GPC5: variants seen among roughly 807,000 people sequenced by gnomAD.
The protein encoded by GPC5 is glypican 5, also known as glypican-5.
In GPC5, 47 loss-of-function variants were observed where a neutral mutation model predicts 53.9. That is an observed-to-expected ratio of 0.87 (90% CI 0.69 to 1.11). GPC5 has a LOEUF of 1.11. GPC5 is among the 50% of genes most tolerant of loss of function. The probability of loss-of-function intolerance (pLI) is 0.00; values close to 1 mark genes in which losing one functional copy is unlikely to be tolerated. For synonymous variants in GPC5, 286 were observed against 263.3 expected (o/e 1.09, Z -0.84); for missense variants, 748 against 713.1 (o/e 1.05, Z -0.56).
At chr13:92,526,350 G>A (rs1881281062) in intron 7 of GPC5, among the ~76,000 whole-genome samples, 1 of 152,038 alleles carries the variant, frequency 6.6e-6, no homozygotes, top group Admixed American at 6.6e-5. Flanking sequence ...AGGTCAGAGT[G>A]CTCCTGGCAC....
chr13:92,414,955 A>G (rs1174883880), intron 7 of GPC5, among the ~76,000 whole-genome samples: 1 of 152,198 alleles, frequency 6.6e-6, no homozygotes, highest in Non-Finnish European at 1.5e-5. Context: ...TTTCGGGGAT[A>G]TAGACATTCA....
intron 7 of GPC5, among the ~76,000 whole-genome samples, chr13:92,725,030 C>T (rs190607944): frequency 1.3e-5 from 2 of 151,538 alleles, no homozygotes; most frequent in African/African-American, 4.8e-5. Context: ...ATGGAGTAGA[C>T]GTTAAGTCAT....
chr13:92,690,064 G>A (rs1344812847), intron 7 of GPC5, among the ~76,000 whole-genome samples: 2 of 3,090 alleles, frequency 6.5e-4, no homozygotes, highest in Non-Finnish European at 1.1e-3. Flanking sequence ...CTCTTCTCGA[G>A]GAGTATCTTT....
chr13:92,237,785 A>G (rs2042581089), intron 7 of GPC5, among the ~76,000 whole-genome samples: 1 of 151,950 alleles, frequency 6.6e-6, no homozygotes, highest in South Asian at 2.1e-4. Flanking sequence ...CATTTTCATC[A>G]CCCCATAAAG....
chr13:92,736,037 T>TAACA (rs1307542814), intron 7 of GPC5, among the ~76,000 whole-genome samples: 1 of 152,008 alleles, frequency 6.6e-6, no homozygotes, highest in Non-Finnish European at 1.5e-5. Flanking sequence ...TTAGATAAAC[T>TAACA]AACAAGCAAA....
chr13:92,586,969 C>T (rs1316382907), intron 7 of GPC5, among the ~76,000 whole-genome samples: 1 of 151,654 alleles, frequency 6.6e-6, no homozygotes, highest in Non-Finnish European at 1.5e-5. Flanking sequence ...CACACGCGCA[C>T]ACACACACAC....
chr13:91,694,458 T>C (rs1308431459), intron 3 of GPC5, among the ~76,000 whole-genome samples: 1 of 152,242 alleles, frequency 6.6e-6, no homozygotes, highest in South Asian at 2.1e-4. Flanking sequence ...GATGGCGTGA[T>C]AATTTTTAAA....
rs116503659 is a variant in GPC5 at position 92,425,337 on chromosome 13, A to T, written c.1561+280348A>T. On this transcript the variant is annotated intron_variant, in intron 7 of 7. Coordinates refer to ENST00000377067, the MANE Select transcript of GPC5 (RefSeq NM_004466.6). ...ATGTAGTAAAAGTTTACCATCTCCC[A>T]CCTCTACCCTCTCCCACCTCTACCC... 3.1e-3 allele frequency among the ~76,000 whole-genome samples: 470 copies of T among 152,030 alleles called. 3 individuals carry two copies. The highest frequency in any genetic ancestry group is 0.014 in the Middle Eastern group (4 of 294).
chr13:91,408,104 T>C (rs573111884), intron 1 of GPC5, among the ~76,000 whole-genome samples: 1 of 152,060 alleles, frequency 6.6e-6, no homozygotes, highest in African/African-American at 2.4e-5. Context: ...AAGAATACAA[T>C]ATATCATATT....
chr13:92,202,594 C>T (rs1247727744), intron 7 of GPC5, among the ~76,000 whole-genome samples: 1 of 152,136 alleles, frequency 6.6e-6, no homozygotes, highest in Non-Finnish European at 1.5e-5. Context: ...CAAAGATTTT[C>T]TAATAAGAGA....
intron 6 of GPC5, among the ~76,000 whole-genome samples, chr13:91,960,275 T>G (rs1404738291): frequency 6.6e-6 from 1 of 151,876 alleles, no homozygotes; most frequent in Non-Finnish European, 1.5e-5. Context: ...GGCATACCTA[T>G]GTATCAATAA....
intron 6 of GPC5, among the ~76,000 whole-genome samples, chr13:91,950,459 T>TTACTC (rs993472967): frequency 6.6e-6 from 1 of 151,940 alleles, no homozygotes; most frequent in African/African-American, 2.4e-5. Context: ...GGAACTTTTA[T>TTACTC]TACTCTACCT....
chr13:92,096,502 A>G (rs2138904894), intron 6 of GPC5, among the ~76,000 whole-genome samples: 1 of 152,320 alleles, frequency 6.6e-6, no homozygotes, highest in East Asian at 1.9e-4. Context: ...AATGTATTCA[A>G]ATTCATGTGT....
rs907768046 is a variant in GPC5, at chr13:91,585,797, G to A, written c.326-107390G>A. On this transcript the variant is annotated intron_variant, in intron 2 of 7. Transcript: ENST00000377067. ...AGTTGAGCTCTGTGTATTAACTTCT[G>A]TCTACGTCTTCTGAGGTTTTCTCTT... Among the ~76,000 whole-genome samples the A allele has an allele frequency of 3.9e-5, 6 of 152,122 alleles. No individual in the cohort carries two copies. The East Asian group carries it at 5.8e-4, about 15-fold the overall frequency.
intron 6 of GPC5, among the ~76,000 whole-genome samples, chr13:92,008,960 C>A (rs1224234367): frequency 6.6e-6 from 1 of 151,880 alleles, no homozygotes; most frequent in Non-Finnish European, 1.5e-5. Context: ...GCTTTTAATA[C>A]CATCTAGTGA....
At chr13:92,344,425 T>C (rs150998417) in intron 7 of GPC5, among the ~76,000 whole-genome samples, 1 of 152,146 alleles carries the variant, frequency 6.6e-6, no homozygotes, top group Non-Finnish European at 1.5e-5. Flanking sequence ...CTAAACCATA[T>C]CATCATCTAT....
chr13:92,412,103 T>G (rs972952411), intron 7 of GPC5, among the ~76,000 whole-genome samples: 1 of 152,186 alleles, frequency 6.6e-6, no homozygotes, highest in Non-Finnish European at 1.5e-5. Flanking sequence ...TAATAATCAT[T>G]AAGTCAAAAT....
intron 7 of GPC5, among the ~76,000 whole-genome samples, chr13:92,619,813 G>A (rs1486646374): frequency 6.6e-6 from 1 of 151,940 alleles, no homozygotes; most frequent in South Asian, 2.1e-4. Flanking sequence ...AAAAGCAAAA[G>A]TTATACCAAA....
At chr13:91,986,573 G>T (rs952987994) in intron 6 of GPC5, among the ~76,000 whole-genome samples, 3 of 152,134 alleles carry the variant, frequency 2.0e-5, no homozygotes, top group South Asian at 2.1e-4. Context: ...CAGCAAGCAT[G>T]ACATGACTCC....
Sources: gnomAD v4.1 joint callset for allele counts (sites outside exome capture counted in the v4.1 genomes callset) on GRCh38, gnomAD v4.1.1 for gene constraint, MANE v1.5 for transcripts, NCBI Gene and HGNC (gene_info 2026-07-23, HGNC 2026-07-21) for gene names.